The following INPP5B variants were observed in gnomAD, a reference collection of about 807,000 sequenced individuals.
INPP5B encodes the protein inositol polyphosphate-5-phosphatase B.
Under a neutral mutation model 118.5 loss-of-function variants are expected in INPP5B, and 90 were observed. The observed-to-expected ratio is 0.76, with a 90% CI of 0.64 to 0.90. The LOEUF is 0.90. INPP5B is among the 40% of genes least tolerant of loss of function. INPP5B has a pLI of 0.00. For synonymous variants in INPP5B, 385 were observed against 418.9 expected, an observed-to-expected ratio of 0.92 and a Z score of 0.99; for missense variants, 984 against 1,125.6, an observed-to-expected ratio of 0.87 and a Z score of 1.80.
intron 7 of INPP5B, 100 bp downstream of exon 7, chr1:37,931,813 C>T: frequency 6.2e-7 from 1 of 1,608,554 alleles, no homozygotes; most frequent in Non-Finnish European, 8.5e-7. Flanking sequence ...CAATCGAAAG[C>T]CTGTCTTCTC....
At chr1:37,889,791 G>A in intron 8 of INPP5B, 67 bp from the exon 9 acceptor site, 1 of 1,262,148 alleles carries the variant, frequency 7.9e-7, no homozygotes, top group East Asian at 2.4e-5. Flanking sequence ...TGAATACAAA[G>A]CTAAAAGTTC....
intron 5 of INPP5B, among the ~76,000 whole-genome samples, chr1:37,943,183 A>G (rs1275959448): frequency 6.6e-6 from 1 of 151,862 alleles, no homozygotes; most frequent in Non-Finnish European, 1.5e-5. Flanking sequence ...TATTTTTAGT[A>G]GAGACGGGGT....
chr1:37,880,788 C>T (rs1375003517), intron 14 of INPP5B, among the ~76,000 whole-genome samples: 2 of 152,144 alleles, frequency 1.3e-5, no homozygotes, highest in African/African-American at 4.8e-5. Flanking sequence ...TGCCATTGTG[C>T]GACCATAGCT....
At chr1:37,917,425 G>A (rs1644913007) in intron 7 of INPP5B, among the ~76,000 whole-genome samples, 1 of 146,224 alleles carries the variant, frequency 6.8e-6, no homozygotes. Context: ...CTGAGTTCAA[G>A]CAATTCTCCT....
At chr1:37,924,441 T>C (rs1461336319) in intron 7 of INPP5B, among the ~76,000 whole-genome samples, 3 of 149,764 alleles carry the variant, frequency 2.0e-5, no homozygotes, top group African/African-American at 7.3e-5. Flanking sequence ...AGTGCTGGGA[T>C]TACAGGCATG....
intron 7 of INPP5B, among the ~76,000 whole-genome samples, chr1:37,897,828 TGGGAGGCTG>T (rs1285873562): frequency 1.3e-5 from 2 of 151,954 alleles, no homozygotes; most frequent in Admixed American, 1.3e-4. Flanking sequence ...CCTAGCTACT[TGGGAGGCTG>T]GGGAGGGATG....
intron 7 of INPP5B, among the ~76,000 whole-genome samples, chr1:37,922,438 G>A (rs961832029): frequency 6.6e-6 from 1 of 151,612 alleles, no homozygotes; most frequent in Admixed American, 6.6e-5. Flanking sequence ...TAAGCCAGGC[G>A]CGGTGGCTCA....
At chr1:37,943,238 T>TCCGCCTGC (rs1645998438) in intron 5 of INPP5B, among the ~76,000 whole-genome samples, 1 of 151,946 alleles carries the variant, frequency 6.6e-6, no homozygotes, top group Non-Finnish European at 1.5e-5. Context: ...GACCTCGTGA[T>TCCGCCTGC]CTTGGCCCCC....
chr1:37,908,173 G>A (rs969053656), intron 7 of INPP5B, among the ~76,000 whole-genome samples: 1 of 152,140 alleles, frequency 6.6e-6, no homozygotes, highest in Admixed American at 6.5e-5. Context: ...AAGCCTGTTG[G>A]TGGTCTCTTC....
At chr1:37,875,856 G>T (rs1277907864) in intron 16 of INPP5B, 140 bp from the exon 17 acceptor site, 1 of 619,414 alleles carries the variant, frequency 1.6e-6, no homozygotes, top group Non-Finnish European at 2.9e-6. Context: ...GTTAATTAAT[G>T]AACTCCATTA....
chr1:37,887,272 C>A, intron 11 of INPP5B, 79 bp downstream of exon 11: 3 of 936,088 alleles, frequency 3.2e-6, no homozygotes, highest in Non-Finnish European at 5.1e-6. Flanking sequence ...AGATAAAGGT[C>A]ATGGAAAAGG....
intron 6 of INPP5B, 133 bp from the exon 7 acceptor site, chr1:37,932,186 A>C: frequency 1.1e-6 from 1 of 920,708 alleles, no homozygotes; most frequent in Non-Finnish European, 1.6e-6. Flanking sequence ...TGAGGTTCAA[A>C]TGCAAGAATA....
chr1:37,873,317 G>C, intron 18 of INPP5B, 152 bp from the exon 19 acceptor site: 1 of 620,072 alleles, frequency 1.6e-6, no homozygotes, highest in Non-Finnish European at 2.9e-6. Flanking sequence ...TGCTTGGCAT[G>C]CAGGAGACAC....
chr1:37,932,400 G>T (rs1407909463), intron 6 of INPP5B, among the ~76,000 whole-genome samples: 1 of 119,808 alleles, frequency 8.3e-6, no homozygotes, highest in Non-Finnish European at 1.6e-5. Flanking sequence ...ACGGAGTCTC[G>T]CTCTGTCGCC....
intron 7 of INPP5B, chr1:37,931,683 G>T (rs1039247508): frequency 1.3e-6 from 2 of 1,525,602 alleles, no homozygotes; most frequent in African/African-American, 2.8e-5. Flanking sequence ...CTGCAGTGTT[G>T]CGCTCCCGAG....
intron 7 of INPP5B, among the ~76,000 whole-genome samples, chr1:37,898,963 CCT>C (rs1644227085): frequency 6.6e-6 from 1 of 151,832 alleles, no homozygotes; most frequent in African/African-American, 2.4e-5. Context: ...AGGCGGATCC[CCT>C]GAGGTCGGGA....
At chr1:37,882,718 G>A (rs535636949) in intron 14 of INPP5B, 89 bp downstream of exon 14, 31 of 924,014 alleles carry the variant, frequency 3.4e-5, no homozygotes, top group Admixed American at 6.1e-5. Context: ...AGCCAAGGAG[G>A]AAGAGGCTGC....
intron 10 of INPP5B, 147 bp from the exon 11 acceptor site, chr1:37,887,612 A>G (rs1236681936): frequency 1.1e-5 from 6 of 565,476 alleles, no homozygotes; most frequent in East Asian, 9.0e-5. Flanking sequence ...GAGCCAAGGA[A>G]CTAAATGCCA....
chr1:37,901,204 C>T (rs778579162), intron 7 of INPP5B, among the ~76,000 whole-genome samples: 1 of 152,242 alleles, frequency 6.6e-6, no homozygotes, highest in Non-Finnish European at 1.5e-5. Flanking sequence ...CTTTCTTCTG[C>T]TTCCTTGCCC....
Sources: allele counts gnomAD v4.1 joint callset (sites outside exome capture counted in the v4.1 genomes callset), GRCh38; gene constraint gnomAD v4.1.1; transcripts MANE v1.5; gene names NCBI Gene and HGNC (gene_info 2026-07-23, HGNC 2026-07-21).